SPMIP7: variants seen among roughly 807,000 people sequenced by gnomAD.
The protein encoded by SPMIP7 is protein SPMIP7.
the SPMIP7 span, among the ~76,000 whole-genome samples, chr7:50,123,744 G>A: frequency 6.6e-6 from 1 of 151,782 alleles, no homozygotes; most frequent in African/African-American, 2.4e-5. Context: ...TCAATTGATG[G>A]CTTAAGTTGG....
chr7:50,151,708 T>C, the SPMIP7 span, among the ~76,000 whole-genome samples: 58 of 152,284 alleles, frequency 3.8e-4, no homozygotes, highest in African/African-American at 1.4e-3. Flanking sequence ...GAAAAAAAGA[T>C]AATTTTCCAT....
the SPMIP7 span, among the ~76,000 whole-genome samples, chr7:50,137,499 A>G: frequency 6.6e-6 from 1 of 152,148 alleles, no homozygotes. Flanking sequence ...ACCTAAGTGT[A>G]AAAATATTTC....
the SPMIP7 span, among the ~76,000 whole-genome samples, chr7:50,100,288 G>A: frequency 6.6e-6 from 1 of 152,344 alleles, no homozygotes; most frequent in East Asian, 1.9e-4. Flanking sequence ...TGCACCAGGG[G>A]CAGGGAATCT....
At chr7:50,120,115 A>T in the SPMIP7 span, 2 of 152,022 alleles carry the variant, frequency 1.3e-5, no homozygotes, top group Admixed American at 6.6e-5. Context: ...GGCCTGGCTC[A>T]CTCCTGTCTT....
chr7:50,104,719 C>T, the SPMIP7 span, among the ~76,000 whole-genome samples: 2 of 152,240 alleles, frequency 1.3e-5, no homozygotes. Context: ...GAGTGATGAC[C>T]ACTGAAAGGC....
the SPMIP7 span, among the ~76,000 whole-genome samples, chr7:50,124,934 A>G: frequency 4.0e-5 from 6 of 151,688 alleles, no homozygotes; most frequent in Non-Finnish European, 8.8e-5. Context: ...CCCTGTCTCT[A>G]CTAAAAACAC....
chr7:50,156,959 C>T, the SPMIP7 span, among the ~76,000 whole-genome samples: 1 of 152,186 alleles, frequency 6.6e-6, no homozygotes. Flanking sequence ...CCTGCCCACT[C>T]TCTCCTGAAC....
the SPMIP7 span, among the ~76,000 whole-genome samples, chr7:50,105,862 G>T: frequency 6.6e-6 from 1 of 152,020 alleles, no homozygotes; most frequent in Non-Finnish European, 1.5e-5. Context: ...TGGTCCTGCA[G>T]GTAAATCCTG....
the SPMIP7 span, among the ~76,000 whole-genome samples, chr7:50,121,739 C>T: frequency 7.9e-5 from 12 of 152,146 alleles, no homozygotes; most frequent in African/African-American, 1.7e-4. Flanking sequence ...CTGCAACCTC[C>T]GCCTCCCAGG....
chr7:50,140,237 G>A, the SPMIP7 span: 2 of 1,058,660 alleles, frequency 1.9e-6, no homozygotes, highest in African/African-American at 1.7e-5. Context: ...TTTGGTTGTA[G>A]TTGCTTTCAG....
the SPMIP7 span, among the ~76,000 whole-genome samples, chr7:50,154,982 T>C: frequency 3.9e-5 from 6 of 152,234 alleles, no homozygotes; most frequent in South Asian, 1.2e-3. Context: ...ACCATTTTTG[T>C]TGTCTTTGGG....
At chr7:50,151,626 C>A in the SPMIP7 span, 3 of 1,056,972 alleles carry the variant, frequency 2.8e-6, no homozygotes, top group South Asian at 3.5e-5. Flanking sequence ...TGTGGTTATT[C>A]CATTAAAGAA....
chr7:50,158,138 G>A, the SPMIP7 span, among the ~76,000 whole-genome samples: 3 of 147,286 alleles, frequency 2.0e-5, no homozygotes, highest in African/African-American at 7.5e-5. Flanking sequence ...CTGGCCTATG[G>A]CCCATGGGTG....
chr7:50,099,071 C>T, the SPMIP7 span, among the ~76,000 whole-genome samples: 1 of 152,272 alleles, frequency 6.6e-6, no homozygotes, highest in East Asian at 1.9e-4. Context: ...CTTTAGGTTC[C>T]TCACTTAAGC....
the SPMIP7 span, among the ~76,000 whole-genome samples, chr7:50,147,538 T>C: frequency 1.3e-5 from 2 of 152,236 alleles, no homozygotes; most frequent in Non-Finnish European, 2.9e-5. Context: ...CAATGACTAT[T>C]AGTCATGTTT....
the SPMIP7 span, among the ~76,000 whole-genome samples, chr7:50,156,823 C>T: frequency 6.6e-6 from 1 of 152,198 alleles, no homozygotes; most frequent in African/African-American, 2.4e-5. Context: ...ATGAAGAACC[C>T]CAGCGGAGTC....
the SPMIP7 span, among the ~76,000 whole-genome samples, chr7:50,120,594 A>G: frequency 6.6e-6 from 1 of 152,166 alleles, no homozygotes; most frequent in Non-Finnish European, 1.5e-5. Flanking sequence ...ATTCCTGTAA[A>G]CACTGCCACC....
the SPMIP7 span, among the ~76,000 whole-genome samples, chr7:50,130,785 T>C: frequency 6.6e-6 from 1 of 151,624 alleles, no homozygotes; most frequent in Non-Finnish European, 1.5e-5. Flanking sequence ...ATGCAGAGAT[T>C]TGGAGTGACT....
the SPMIP7 span, among the ~76,000 whole-genome samples, chr7:50,125,265 C>CATATATACACAT: frequency 4.0e-5 from 3 of 74,296 alleles, 1 homozygote; most frequent in African/African-American, 1.4e-4. Flanking sequence ...TATATACACA[C>CATATATACACAT]ATATATATAC....
Sources: gnomAD v4.1 joint callset for allele counts (sites outside exome capture counted in the v4.1 genomes callset) on GRCh38, gnomAD v4.1.1 for gene constraint, MANE v1.5 for transcripts, NCBI Gene and HGNC (gene_info 2026-07-23, HGNC 2026-07-21) for gene names.